ZNF668: variants seen among roughly 807,000 people sequenced by gnomAD.
ZNF668 encodes zinc finger protein 668.
A neutral mutation model predicts 40.3 loss-of-function variants in ZNF668; 10 were observed. That is an observed-to-expected ratio of 0.25 (90% CI 0.15 to 0.42). The LOEUF (loss-of-function observed/expected upper bound fraction) is 0.42, where lower values mean the gene tolerates loss of function less well. Among genes scored for constraint, ZNF668 ranks in the 10% least tolerant of loss-of-function variants. ZNF668 has a pLI of 1.00. For missense variants in ZNF668, 749 were observed against 904.6 expected (o/e 0.83, Z 2.21); for synonymous variants, 428 against 384.6 (o/e 1.11, Z -1.32).
intron 1 of ZNF668, among the ~76,000 whole-genome samples, chr16:31,070,186 G>C (rs1372253826): frequency 6.6e-6 from 1 of 151,704 alleles, no homozygotes; most frequent in South Asian, 2.1e-4. Flanking sequence ...CCAGAGTGCT[G>C]GGATTACAGG....
chr16:31,067,347 GA>G (rs1296018578), intron 1 of ZNF668, among the ~76,000 whole-genome samples: 1 of 152,174 alleles, frequency 6.6e-6, no homozygotes, highest in Non-Finnish European at 1.5e-5. Context: ...ACCCCATGAG[GA>G]AAGTTCTATT....
At chr16:31,071,612 A>T (rs1018094774) in intron 1 of ZNF668, among the ~76,000 whole-genome samples, 10 of 152,142 alleles carry the variant, frequency 6.6e-5, no homozygotes, top group African/African-American at 1.9e-4. Context: ...CACCTCGCTA[A>T]TTTATTAAAA....
At chr16:31,067,223 AT>A in intron 1 of ZNF668, among the ~76,000 whole-genome samples, 1 of 152,276 alleles carries the variant, frequency 6.6e-6, no homozygotes, top group East Asian at 1.9e-4. Context: ...CATCTCAAAA[AT>A]AAATAAATAA....
intron 1 of ZNF668, among the ~76,000 whole-genome samples, chr16:31,067,625 T>G (rs2056987912): frequency 6.6e-6 from 1 of 152,186 alleles, no homozygotes; most frequent in Admixed American, 6.5e-5. Context: ...TCAAAGCGTC[T>G]TCTTAGAGCC....
In ZNF668 at chr16:31,064,389, C is replaced by T; in HGVS notation, c.71G>A (p.Cys24Tyr). 2 of 1,613,824 alleles carry T rather than the reference C, an allele frequency of 1.2e-6. No individual in the cohort carries two copies. The highest frequency in any genetic ancestry group is 1.7e-6 in the Non-Finnish European group (2 of 1,180,024). Residue 24 changes from cysteine to tyrosine, a missense_variant, in exon 2 of 3, where the codon TGC (cysteine) becomes TAC (tyrosine). Around this residue, in one of 4 missense-constraint regions of ZNF668, gnomAD observed 159 missense variants for 139.8 expected, o/e 1.14. Coordinates refer to ENST00000300849, the MANE Select transcript of ZNF668 (RefSeq NM_024706.5). ...TGGAAATGTCTTGGTACAGGACAGG[C>T]ACTTGTAGCGGCGGCCCGAGCGCTT... ...GYKRSGRRYK[C>Y]LSCTKTFPNA...
intron 1 of ZNF668, among the ~76,000 whole-genome samples, chr16:31,068,340 C>T (rs1183078466): frequency 2.0e-5 from 3 of 146,508 alleles, no homozygotes; most frequent in South Asian, 2.1e-4. Context: ...CTGCAACCTC[C>T]GCCTCCTGAG....
At chr16:31,066,222 C>T in intron 1 of ZNF668, 2 of 985,454 alleles carry the variant, frequency 2.0e-6, no homozygotes, top group Non-Finnish European at 2.4e-6. Context: ...CTTTCCATGG[C>T]TTCCACCACA....
At chr16:31,064,639 G>A in intron 1 of ZNF668, 158 bp from the exon 2 acceptor site, 1 of 1,536,508 alleles carries the variant, frequency 6.5e-7, no homozygotes, top group Non-Finnish European at 8.7e-7. Context: ...TTTCCTCCCT[G>A]ATCTGCTCAT....
chr16:31,072,592 C>T (rs536105438), intron 1 of ZNF668: 1 of 152,290 alleles, frequency 6.6e-6, no homozygotes. Flanking sequence ...AAAGGAGGCA[C>T]CTCAATCTTC....
chr16:31,060,957 G>T lies in ZNF668; in HGVS notation c.*111C>A. The T allele has an allele frequency of 7.8e-7, 1 of 1,283,952 alleles. No homozygotes were observed. Among genetic ancestry groups the T allele is most frequent in the South Asian group, 2.7e-5 (1 of 37,364 alleles). The allele number at this position is 1,283,952 out of a possible 1,614,324, so 79.5% of individuals were successfully genotyped here. ...TAGCTGGCCGACAGGGGAGCTAGTT[G>T]CTGAGGGGTAGGGATCTGGAGTCTA... On this transcript the variant is annotated 3_prime_UTR_variant, in exon 3 of 3. Coordinates refer to ENST00000300849, the MANE Select transcript of ZNF668 (RefSeq NM_024706.5).
intron 1 of ZNF668, chr16:31,066,195 T>C (rs2056980760): frequency 2.0e-6 from 2 of 985,384 alleles, no homozygotes; most frequent in Non-Finnish European, 1.2e-6. Flanking sequence ...TGATGTTTCC[T>C]GTTCCCTGCT....
At position 31,072,059 on chromosome 16, in the gene ZNF668, C is replaced by A. The variant is rs1487410427; in HGVS notation, c.-23+1600G>T. Among the ~76,000 whole-genome samples, 7 of 152,148 alleles carry A rather than the reference C, an allele frequency of 4.6e-5. No homozygotes were observed. The East Asian group carries it at 1.3e-3, about 29-fold the overall frequency. ...TTAGCGTTCTTATGAGAAGTGACAC[C>A]ACAAAGAAACAAGCTTACTAGTCAC... On this transcript the variant is annotated intron_variant, in intron 1 of 2. Transcript: ENST00000300849.
At chr16:31,065,174 A>T (rs2056972215) in intron 1 of ZNF668, 2 of 981,190 alleles carry the variant, frequency 2.0e-6, no homozygotes, top group Admixed American at 5.6e-5. Flanking sequence ...AGCCATTGCT[A>T]GCAGCTGGAA....
intron 1 of ZNF668, among the ~76,000 whole-genome samples, chr16:31,069,860 C>T (rs566891077): frequency 4.8e-5 from 7 of 145,658 alleles, no homozygotes; most frequent in Admixed American, 1.4e-4. Context: ...CTGCAAGCTC[C>T]GCCTCCCGGG....
chr16:31,070,711 T>G (rs2057010879), intron 1 of ZNF668, among the ~76,000 whole-genome samples: 1 of 151,240 alleles, frequency 6.6e-6, no homozygotes, highest in African/African-American at 2.4e-5. Context: ...TGGTTAATTT[T>G]TTGTATTTTT....
At chr16:31,071,610 T>C (rs1217822510) in intron 1 of ZNF668, among the ~76,000 whole-genome samples, 1 of 152,228 alleles carries the variant, frequency 6.6e-6, no homozygotes, top group Admixed American at 6.5e-5. Context: ...CACACCTCGC[T>C]AATTTATTAA....
At chr16:31,068,104 C>T (rs1350574628) in intron 1 of ZNF668, among the ~76,000 whole-genome samples, 1 of 151,082 alleles carries the variant, frequency 6.6e-6, no homozygotes, top group Non-Finnish European at 1.5e-5. Context: ...GGGGAAATCC[C>T]TCCTCCCATG....
intron 1 of ZNF668, chr16:31,064,719 A>T: frequency 6.5e-7 from 1 of 1,530,772 alleles, no homozygotes; most frequent in Non-Finnish European, 8.7e-7. Context: ...CAAAAGATTC[A>T]CCTACACGTC....
At position 31,062,080 on chromosome 16, in the gene ZNF668, G is replaced by A. The variant is rs1475836497; in HGVS notation, c.848C>T (p.Pro283Leu). Residue 283 changes from proline to leucine, a missense_variant, in exon 3 of 3, where the codon CCG becomes CTG. Physicochemically the swap from Pro to Leu is moderately conservative, Grantham distance 98. Around this residue, in one of 4 missense-constraint regions of ZNF668, gnomAD observed 129 missense variants for 231.2 expected, o/e 0.56. Coordinates refer to ENST00000300849, the MANE Select transcript of ZNF668 (RefSeq NM_024706.5). Reference protein sequence around the residue: ...THSGEKPFLCPRCGRMFSDPS... With the variant: ...THSGEKPFLCLRCGRMFSDPS... ...GTCGGAGAACATGCGGCCGCAGCGC[G>A]GGCACAGGAAGGGCTTCTCCCCCGA... The A allele has an allele frequency of 1.2e-6, 2 of 1,612,672 alleles. No homozygotes were observed. Among genetic ancestry groups the A allele is most frequent in the Non-Finnish European group, 1.7e-6 (2 of 1,179,542 alleles).
Sources: allele counts gnomAD v4.1 joint callset (sites outside exome capture counted in the v4.1 genomes callset), GRCh38; gene constraint gnomAD v4.1.1; regional missense constraint gnomAD v4.1.1; transcripts MANE v1.5; gene names NCBI Gene and HGNC (gene_info 2026-07-23, HGNC 2026-07-21).